The following ZNF532 variants were observed in gnomAD, a reference collection of about 807,000 sequenced individuals.
ZNF532 encodes the protein zinc finger protein 532.
A neutral mutation model predicts 89.3 loss-of-function variants in ZNF532; 22 were observed. That is an observed-to-expected ratio of 0.25 (90% confidence interval 0.18 to 0.35). The LOEUF is 0.35. Ranked by LOEUF, ZNF532 falls within the 10% of genes least tolerant of loss-of-function variation. ZNF532 has a pLI of 1.00. For synonymous variants in ZNF532, 606 were observed against 649.6 expected, an observed-to-expected ratio of 0.93 and a Z score of 1.02; for missense variants, 1,132 against 1,643.4, an observed-to-expected ratio of 0.69 and a Z score of 5.38.
intron 2 of ZNF532, among the ~76,000 whole-genome samples, chr18:58,868,257 AAC>A (rs1293681159): frequency 6.6e-6 from 1 of 152,224 alleles, no homozygotes; most frequent in Admixed American, 6.5e-5. Context: ...ACATTATGGA[AAC>A]ACACACCTTC....
At chr18:58,901,955 A>G (rs1468332169) in intron 2 of ZNF532, among the ~76,000 whole-genome samples, 1 of 152,108 alleles carries the variant, frequency 6.6e-6, no homozygotes, top group Non-Finnish European at 1.5e-5. Flanking sequence ...CTAGGAGTAG[A>G]CACCTTAACA....
chr18:58,909,364 C>T (rs2060138043), intron 2 of ZNF532, among the ~76,000 whole-genome samples: 1 of 152,110 alleles, frequency 6.6e-6, no homozygotes, highest in Non-Finnish European at 1.5e-5. Flanking sequence ...TAAGTTTGAC[C>T]TCGTGTAGGG....
At chr18:58,937,428 T>C (rs1259188214) in intron 4 of ZNF532, among the ~76,000 whole-genome samples, 2 of 152,244 alleles carry the variant, frequency 1.3e-5, no homozygotes, top group East Asian at 3.8e-4. Flanking sequence ...CTCCATGGTG[T>C]TCTCTGGATT....
chr18:58,905,219 T>G (rs2059855536), intron 2 of ZNF532, among the ~76,000 whole-genome samples: 1 of 152,168 alleles, frequency 6.6e-6, no homozygotes, highest in South Asian at 2.1e-4. Context: ...TGAGGCAGTT[T>G]ACTGGTGAGA....
rs1236871639 is a variant in ZNF532 at position 58,948,215 on chromosome 18, A to G, written c.2854A>G (p.Met952Val). 1.2e-6 allele frequency: 2 copies of G among 1,611,830 alleles called. No individual in the cohort carries two copies. Among genetic ancestry groups the G allele is most frequent in the Non-Finnish European group, 1.7e-6 (2 of 1,179,076 alleles). Residue 952 changes from methionine (M) to valine (V), a missense_variant, in exon 6 of 10, where the codon ATG becomes GTG. Around this residue, in one of 9 missense-constraint regions of ZNF532, gnomAD observed 415 missense variants for 604.8 expected, o/e 0.69. Transcript: ENST00000591808. ...SLLYAQKQLM[M>V]DHIKSMHGTL... ...TTTATATGCACAGAAGCAACTTATG[A>G]TGGACCATATCAAGGTGTGTGTGCA...
chr18:58,917,609 TC>T (rs1193937179), intron 2 of ZNF532, among the ~76,000 whole-genome samples: 1 of 152,180 alleles, frequency 6.6e-6, no homozygotes, highest in Non-Finnish European at 1.5e-5. Flanking sequence ...TCTAAAACTC[TC>T]CATCCTCCTA....
intron 3 of ZNF532, among the ~76,000 whole-genome samples, chr18:58,929,191 C>G (rs1331078908): frequency 1.3e-5 from 2 of 152,200 alleles, no homozygotes; most frequent in Non-Finnish European, 2.9e-5. Flanking sequence ...TAGGCTCTTA[C>G]AGCCGGAGGG....
intron 2 of ZNF532, among the ~76,000 whole-genome samples, chr18:58,914,117 A>G (rs1212891367): frequency 6.6e-6 from 1 of 152,212 alleles, no homozygotes; most frequent in East Asian, 1.9e-4. Flanking sequence ...TTTTCTTTTG[A>G]CTTCATAACT....
chr18:58,920,734 A>ATG (rs2060976768), intron 3 of ZNF532, 101 bp downstream of exon 3: 3 of 486,950 alleles, frequency 6.2e-6, no homozygotes. Context: ...AGTGAAATGG[A>ATG]CGTGTGTGTG....
intron 2 of ZNF532, among the ~76,000 whole-genome samples, chr18:58,887,465 A>G (rs2058383885): frequency 6.6e-6 from 1 of 152,224 alleles, no homozygotes; most frequent in African/African-American, 2.4e-5. Flanking sequence ...AAGAAAAGGA[A>G]AACACTGGTC....
chr18:58,906,363 G>A (rs1461749159), intron 2 of ZNF532, among the ~76,000 whole-genome samples: 2 of 152,088 alleles, frequency 1.3e-5, no homozygotes, highest in Non-Finnish European at 2.9e-5. Flanking sequence ...TTTGTTGCTC[G>A]GATTGTTCCA....
At chr18:58,876,093 C>T (rs1452612647) in intron 2 of ZNF532, among the ~76,000 whole-genome samples, 6 of 151,992 alleles carry the variant, frequency 3.9e-5, no homozygotes, top group South Asian at 2.1e-4. Context: ...CCACCATGCC[C>T]GGCTATTTTT....
chr18:58,863,420 G>A (rs1194171929), upstream of ZNF532: 1 of 1,064 alleles, frequency 9.4e-4, no homozygotes, highest in Non-Finnish European at 5.1e-3. Context: ...CGCTGCCGCC[G>A]CCCGGTCCCG....
chr18:58,942,361 T>TCCTCCCTCCCTCCCTC (rs1222627915), intron 5 of ZNF532, among the ~76,000 whole-genome samples: 3 of 55,810 alleles, frequency 5.4e-5, no homozygotes, highest in African/African-American at 2.3e-4. Flanking sequence ...CTTCCTTCCT[T>TCCTCCCTCCCTCCCTC]CCTTCCTTCC....
chr18:58,981,742 G>T (rs369723264), intron 9 of ZNF532, 125 bp downstream of exon 9: 4 of 1,298,318 alleles, frequency 3.1e-6, no homozygotes, highest in East Asian at 2.6e-5. Flanking sequence ...GCTGGGTGCG[G>T]TGGCTCATGC....
At chr18:58,887,220 A>G (rs1303358240) in intron 2 of ZNF532, among the ~76,000 whole-genome samples, 1 of 152,224 alleles carries the variant, frequency 6.6e-6, no homozygotes, top group Non-Finnish European at 1.5e-5. Flanking sequence ...GGTCTCCTGC[A>G]GTGGTTTGGT....
At chr18:58,925,326 A>T (rs767666790) in intron 3 of ZNF532, among the ~76,000 whole-genome samples, 2 of 152,090 alleles carry the variant, frequency 1.3e-5, no homozygotes, top group Admixed American at 1.3e-4. Flanking sequence ...GTGTGGTATT[A>T]TTTTATTGTG....
intron 5 of ZNF532, 154 bp downstream of exon 5, chr18:58,939,775 A>G: frequency 3.5e-6 from 2 of 576,966 alleles, no homozygotes; most frequent in Non-Finnish European, 5.6e-6. Context: ...CTCATAGCTC[A>G]TCCAAATCTT....
At chr18:58,981,864 C>T (rs752238726) in intron 9 of ZNF532, among the ~76,000 whole-genome samples, 8 of 150,584 alleles carry the variant, frequency 5.3e-5, no homozygotes, top group South Asian at 4.2e-4. Flanking sequence ...ATTAGCTTGG[C>T]GTGGTGGCGG....
Sources: gnomAD v4.1 joint callset for allele counts (sites outside exome capture counted in the v4.1 genomes callset) on GRCh38, gnomAD v4.1.1 for gene constraint, gnomAD v4.1.1 regional missense constraint, MANE v1.5 for transcripts, NCBI Gene and HGNC (gene_info 2026-07-23, HGNC 2026-07-21) for gene names.